Variants in CLIC4 observed in about 807,000 individuals in gnomAD.
CLIC4 encodes chloride intracellular channel protein 4.
Under a neutral mutation model 24.6 loss-of-function variants are expected in CLIC4, and 13 were observed. That is an observed-to-expected ratio of 0.53 (90% confidence interval 0.34 to 0.84). The LOEUF is 0.84. Ranked by LOEUF, CLIC4 falls within the 40% of genes least tolerant of loss-of-function variation. The probability of loss-of-function intolerance (pLI) is 0.01; values close to 1 mark genes in which losing one functional copy is unlikely to be tolerated. For synonymous variants in CLIC4, 104 were observed against 111.3 expected, an observed-to-expected ratio of 0.93 and a Z score of 0.41; for missense variants, 227 against 301.7, an observed-to-expected ratio of 0.75 and a Z score of 1.83.
chr1:24,794,468 T>C (rs1571246554), intron 1 of CLIC4, among the ~76,000 whole-genome samples: 1 of 152,314 alleles, frequency 6.6e-6, no homozygotes, highest in East Asian at 1.9e-4. Context: ...TTTCATATGC[T>C]TGTTGGGCCA....
Position 24,747,549 on chromosome 1 carries a change from A to AG in CLIC4, c.72+1924_72+1925insG, listed in dbSNP as rs796065545. Among the ~76,000 whole-genome samples, 14 of 150,174 alleles carry AG rather than the reference A, an allele frequency of 9.3e-5. No homozygotes were observed. The East Asian group carries it at 1.6e-3, about 17-fold the overall frequency. ...ACTCCATCTCAAAAAAAAAAAAAAA[A>AG]AAGAAAGAAAGGAAGGGTGGTGGGT... On this transcript the variant is annotated intron_variant, in intron 1 of 5. Transcript: ENST00000374379.
intron 3 of CLIC4, among the ~76,000 whole-genome samples, chr1:24,821,610 G>A (rs1639735492): frequency 6.6e-6 from 1 of 152,106 alleles, no homozygotes; most frequent in Admixed American, 6.6e-5. Context: ...CTGGAATGCG[G>A]TGGTGCAATC....
chr1:24,787,839 C>G (rs1183228996), intron 1 of CLIC4, among the ~76,000 whole-genome samples: 1 of 141,590 alleles, frequency 7.1e-6, no homozygotes, highest in Non-Finnish European at 1.5e-5. Context: ...GTCACCGTGC[C>G]CGGCCATTTT....
chr1:24,813,638 C>CA (rs901107361), intron 2 of CLIC4, among the ~76,000 whole-genome samples: 2 of 151,810 alleles, frequency 1.3e-5, no homozygotes, highest in Non-Finnish European at 2.9e-5. Flanking sequence ...AAGCTGGTCT[C>CA]AAACTCCTGA....
Position 24,839,991 on chromosome 1 carries a change from G to C in CLIC4, c.547G>C (p.Glu183Gln), listed in dbSNP as rs1240290955. Residue 183 changes from glutamate to glutamine, a missense_variant, in exon 5 of 6, where the codon GAA becomes CAA. Glu to Gln is a conservative substitution (Grantham distance 29). Coordinates refer to ENST00000374379, the MANE Select transcript of CLIC4 (RefSeq NM_013943.3). ...TACACGTAAATTTCTGGATGGCAAT[G>C]AAATGACATTAGCTGATTGCAACCT... ...FSTRKFLDGN[E>Q]MTLADCNLLP... is the part of the protein sequence containing the mutation. 6.2e-7 allele frequency: 1 copy of C among 1,614,028 alleles called. No individual in the cohort carries two copies. The highest frequency in any genetic ancestry group is 8.5e-7 in the Non-Finnish European group (1 of 1,180,044).
At position 24,746,415 on chromosome 1, in the gene CLIC4, T is replaced by G. The variant is rs571274185; in HGVS notation, c.72+790T>G. Among the ~76,000 whole-genome samples the G allele has an allele frequency of 2.6e-5, 4 of 152,324 alleles. No individual in the cohort carries two copies. In the South Asian group the frequency reaches 8.3e-4, roughly 32 times the overall value. ...GCTTTAAAGGGTTGGTTTTCCCTTG[T>G]GTCTTCAGCTTTCATGTGTGGAATT... On this transcript the variant is annotated intron_variant, in intron 1 of 5. Coordinates refer to ENST00000374379, the MANE Select transcript of CLIC4 (RefSeq NM_013943.3).
chr1:24,830,212 T>C (rs1445039546), intron 4 of CLIC4, among the ~76,000 whole-genome samples: 1 of 152,230 alleles, frequency 6.6e-6, no homozygotes, highest in African/African-American at 2.4e-5. Flanking sequence ...TGCCCCTCTT[T>C]AATCACATTA....
intron 1 of CLIC4, among the ~76,000 whole-genome samples, chr1:24,746,055 C>G (rs1291873606): frequency 2.0e-5 from 3 of 151,778 alleles, no homozygotes; most frequent in Non-Finnish European, 4.4e-5. Flanking sequence ...GAACTGCGGC[C>G]CGCCGCCCGA....
intron 2 of CLIC4, among the ~76,000 whole-genome samples, chr1:24,813,046 C>T (rs7535678): frequency 0.74 from 76,364 of 102,820 alleles, 26,028 homozygotes; most frequent in Admixed American, 0.8. Flanking sequence ...TTCTTTCTTT[C>T]TTTTTTTTTT....
At chr1:24,799,686 C>T (rs1161791982) in intron 2 of CLIC4, among the ~76,000 whole-genome samples, 1 of 137,312 alleles carries the variant, frequency 7.3e-6, no homozygotes, top group Admixed American at 6.9e-5. Flanking sequence ...GCCGCCCCGT[C>T]CGGGAGGGAG....
In CLIC4 at chr1:24,814,125, G is replaced by A. The variant is rs1347726916; in HGVS notation, c.214G>A (p.Gly72Arg). 6 of 1,613,872 alleles carry A rather than the reference G, an allele frequency of 3.7e-6. No individual in the cohort carries two copies. The highest frequency in any genetic ancestry group is 2.2e-5 in the South Asian group (2 of 91,048). ...KPADLQNLAP[G>R]THPPFITFNS... ...AGCAGACCTGCAGAACTTGGCTCCC[G>A]GGACCCACCCACCATTTATAACTTT... The change falls in exon 3 of 6, where the codon GGG becomes AGG. Residue 72 changes from glycine (G) to arginine (R), a missense_variant. Physicochemically the swap from Gly to Arg is moderately radical, Grantham distance 125. Transcript: ENST00000374379.
chr1:24,777,323 A>G (rs1474717204), intron 1 of CLIC4, among the ~76,000 whole-genome samples: 1 of 152,194 alleles, frequency 6.6e-6, no homozygotes, highest in African/African-American at 2.4e-5. Context: ...GGGCGGGCGG[A>G]TCAAGAGGTC....
In CLIC4 at chr1:24,841,315, G is replaced by A. The variant is rs1183494587; in HGVS notation, c.*378G>A. ...TTTAATTGTTAAAAATAGTAGCCAC[G>A]ACTTTATCAGGCAGCCCCAAACTGG... On this transcript the variant is annotated 3_prime_UTR_variant, in exon 6 of 6. Coordinates refer to ENST00000374379, the MANE Select transcript of CLIC4 (RefSeq NM_013943.3). The A allele has an allele frequency of 6.3e-6, 1 of 158,362 alleles. No individual in the cohort carries two copies. Among genetic ancestry groups the A allele is most frequent in the Non-Finnish European group, 1.4e-5 (1 of 72,194 alleles). 9.8% of individuals were successfully genotyped at this position (158,362 alleles called of 1,614,324 possible).
Position 24,844,200 on chromosome 1 carries a change from T to C in CLIC4, c.*3263T>C, listed in dbSNP as rs1639970457. ...AGAATGCATGTATTTTCTTTTATCT[T>C]TGGAACATCAGCACCAGTATATTGC... On this transcript the variant is annotated 3_prime_UTR_variant, in exon 6 of 6. Coordinates refer to ENST00000374379, the MANE Select transcript of CLIC4 (RefSeq NM_013943.3). 2 of 152,624 alleles carry C rather than the reference T, an allele frequency of 1.3e-5. No homozygotes were observed. The highest frequency in any genetic ancestry group is 2.9e-5 in the Non-Finnish European group (2 of 68,018). The allele number at this position is 152,624 out of a possible 1,614,324, so 9.5% of individuals were successfully genotyped here.
In CLIC4 at chr1:24,797,725, T is replaced by A. The variant is rs1053177454; in HGVS notation, c.73-17T>A. The stretch of plus-strand genomic sequence containing the variant: ...ATCACTTTGACCTTGTTTTTAATGT[T>A]TAATTCTGTTTTCCAGGCTGGCAGT... On this transcript the variant is annotated splice_polypyrimidine_tract_variant and intron_variant, in intron 1 of 5. Coordinates refer to ENST00000374379, the MANE Select transcript of CLIC4 (RefSeq NM_013943.3). 2 of 1,573,126 alleles carry A rather than the reference T, an allele frequency of 1.3e-6. No individual in the cohort carries two copies. The highest frequency in any genetic ancestry group is 1.7e-6 in the Non-Finnish European group (2 of 1,154,390).
intron 1 of CLIC4, among the ~76,000 whole-genome samples, chr1:24,783,531 G>A (rs779052275): frequency 1.6e-4 from 24 of 151,982 alleles, no homozygotes; most frequent in Non-Finnish European, 2.6e-4. Flanking sequence ...GCAAAACCTC[G>A]TCTCTACTAA....
chr1:24,783,145 C>T (rs1043943149), intron 1 of CLIC4, among the ~76,000 whole-genome samples: 1 of 152,068 alleles, frequency 6.6e-6, no homozygotes, highest in African/African-American at 2.4e-5. Flanking sequence ...GTGTGGATTC[C>T]CTAAGAGTAG....
intron 1 of CLIC4, among the ~76,000 whole-genome samples, chr1:24,778,897 A>T (rs988734608): frequency 2.0e-5 from 3 of 152,232 alleles, no homozygotes; most frequent in African/African-American, 7.2e-5. Flanking sequence ...CATCTTCAGC[A>T]TATACTTCAA....
At chr1:24,758,139 A>G (rs1191094446) in intron 1 of CLIC4, among the ~76,000 whole-genome samples, 1 of 152,054 alleles carries the variant, frequency 6.6e-6, no homozygotes, top group Non-Finnish European at 1.5e-5. Flanking sequence ...GCTTTCTAGT[A>G]TATTCATTGT....
Sources: gnomAD v4.1 joint callset for allele counts (sites outside exome capture counted in the v4.1 genomes callset) on GRCh38, gnomAD v4.1.1 for gene constraint, MANE v1.5 for transcripts, NCBI Gene and HGNC (gene_info 2026-07-23, HGNC 2026-07-21) for gene names.